DLG2: variants seen among roughly 807,000 people sequenced by gnomAD.
The protein encoded by DLG2 is discs large MAGUK scaffold protein 2.
In DLG2, 45 loss-of-function variants were observed where a neutral mutation model predicts 132.5. That is an observed-to-expected ratio of 0.34 (90% CI 0.27 to 0.44). The LOEUF is 0.44. Among genes scored for constraint, DLG2 ranks in the 20% least tolerant of loss-of-function variants. The pLI, the probability that DLG2 is intolerant of heterozygous loss-of-function variation, is 1.00. For missense variants in DLG2, 1,045 were observed against 1,196.9 expected (o/e 0.87, Z 1.87); for synonymous variants, 424 against 419.6 (o/e 1.01, Z -0.13).
At chr11:84,961,401 T>C (rs1214094193) in intron 6 of DLG2, among the ~76,000 whole-genome samples, 1 of 151,872 alleles carries the variant, frequency 6.6e-6, no homozygotes, top group East Asian at 1.9e-4. Context: ...AATGCCTGAG[T>C]CTCAGCATGC....
At chr11:84,348,529 C>G (rs1354684729) in intron 7 of DLG2, among the ~76,000 whole-genome samples, 1 of 152,120 alleles carries the variant, frequency 6.6e-6, no homozygotes, top group Non-Finnish European at 1.5e-5. Context: ...TTCTCAAACC[C>G]TTAATATGCT....
At chr11:84,220,743 TA>T (rs1279306267) in intron 8 of DLG2, among the ~76,000 whole-genome samples, 1 of 151,350 alleles carries the variant, frequency 6.6e-6, no homozygotes, top group Non-Finnish European at 1.5e-5. Context: ...TATAAGAGCT[TA>T]AAAAGTGTCA....
In DLG2 at chr11:84,498,209, G is replaced by T. The variant is rs1351410496; in HGVS notation, c.519+36361C>A. ...TGGCATGATAGTCAACATTTCCTAGGTTTGGGCTAAATTCTCAGAAATGCC... is the reference window on the plus strand; with the variant it reads ...TGGCATGATAGTCAACATTTCCTAGTTTTGGGCTAAATTCTCAGAAATGCC... On this transcript the variant is annotated intron_variant, in intron 7 of 27. Coordinates refer to ENST00000376104, the MANE Select transcript of DLG2 (RefSeq NM_001142699.3). 2.0e-5 allele frequency among the ~76,000 whole-genome samples: 3 copies of T among 152,134 alleles called. No individual in the cohort carries two copies. The East Asian group carries it at 5.8e-4, about 29-fold the overall frequency.
At chr11:85,204,442 C>A (rs1595362685) in intron 4 of DLG2, among the ~76,000 whole-genome samples, 1 of 151,854 alleles carries the variant, frequency 6.6e-6, no homozygotes. Flanking sequence ...CAATAGTTAC[C>A]AAATAATTAA....
At chr11:84,958,760 G>A (rs980141471) in intron 6 of DLG2, among the ~76,000 whole-genome samples, 4 of 152,144 alleles carry the variant, frequency 2.6e-5, no homozygotes, top group Admixed American at 1.3e-4. Context: ...CAGAATTTCA[G>A]TGGCCAATAT....
At chr11:85,414,487 A>G (rs1365331567) in intron 3 of DLG2, among the ~76,000 whole-genome samples, 1 of 151,710 alleles carries the variant, frequency 6.6e-6, no homozygotes, top group Non-Finnish European at 1.5e-5. Flanking sequence ...ATTTTCGTAA[A>G]TTTGTTGAGG....
chr11:84,968,911 C>T (rs766774627), intron 6 of DLG2, among the ~76,000 whole-genome samples: 1 of 152,028 alleles, frequency 6.6e-6, no homozygotes, highest in Non-Finnish European at 1.5e-5. Context: ...TTTAAAAACA[C>T]GTTTTACCCT....
rs60170305 is a variant in DLG2, at chr11:84,527,893, T to TTCTCTCTCTC, written c.519+6667_519+6676dup. Reference sequence around the variant, plus strand: ...GAGGACAGCAGTTAACTCCCTCCCTTTCTCTCTCTCTCTCTCTCTCTCTCT... The same window carrying TTCTCTCTCTC: ...GAGGACAGCAGTTAACTCCCTCCCTTTCTCTCTCTCTCTCTCTCTCTCTCTCTCTCTCTCT... On this transcript the variant is annotated intron_variant, in intron 7 of 27. Coordinates refer to ENST00000376104, the MANE Select transcript of DLG2 (RefSeq NM_001142699.3). Among the ~76,000 whole-genome samples, 325 of 125,660 alleles carry TTCTCTCTCTC rather than the reference T, an allele frequency of 2.6e-3. 16 individuals are homozygous for TTCTCTCTCTC. The highest frequency in any genetic ancestry group is 4.8e-3 in the South Asian group (17 of 3,550). The allele number at this position is 125,660 out of a possible 152,430, so 82.4% of individuals were successfully genotyped here. A position where few individuals can be genotyped will look rare whatever the true frequency, so the allele number is the denominator to read the frequency against.
intron 3 of DLG2, among the ~76,000 whole-genome samples, chr11:85,383,199 C>T (rs534762860): frequency 6.6e-6 from 1 of 152,168 alleles, no homozygotes; most frequent in South Asian, 2.1e-4. Context: ...ACCTTGAAAA[C>T]TTTAAGTGAG....
At chr11:83,931,810 A>G (rs2080290266) in intron 14 of DLG2, among the ~76,000 whole-genome samples, 1 of 152,172 alleles carries the variant, frequency 6.6e-6, no homozygotes, top group Non-Finnish European at 1.5e-5. Flanking sequence ...GGATTTTAGA[A>G]GAAGGCTCTT....
chr11:85,488,678 G>A (rs1055465082), intron 3 of DLG2, among the ~76,000 whole-genome samples: 1 of 152,066 alleles, frequency 6.6e-6, no homozygotes, highest in Non-Finnish European at 1.5e-5. Flanking sequence ...AAGCCTTATG[G>A]GCCAGAAGAG....
chr11:85,437,560 T>C (rs1226305107), intron 3 of DLG2, among the ~76,000 whole-genome samples: 2 of 152,098 alleles, frequency 1.3e-5, no homozygotes, highest in East Asian at 3.9e-4. Context: ...AGTGACCTAG[T>C]AGGGGACACA....
intron 7 of DLG2, among the ~76,000 whole-genome samples, chr11:84,472,498 C>T (rs1030725790): frequency 6.6e-6 from 1 of 151,908 alleles, no homozygotes; most frequent in Non-Finnish European, 1.5e-5. Context: ...ACTATAAACC[C>T]AGCCAAAACA....
chr11:84,728,907 G>C (rs1193011271), intron 6 of DLG2, among the ~76,000 whole-genome samples: 1 of 152,130 alleles, frequency 6.6e-6, no homozygotes, highest in Admixed American at 6.5e-5. Flanking sequence ...TCTGATGGTA[G>C]TTTGTATTTC....
intron 6 of DLG2, among the ~76,000 whole-genome samples, chr11:85,028,086 G>A (rs1053156711): frequency 1.3e-5 from 2 of 152,170 alleles, no homozygotes; most frequent in African/African-American, 4.8e-5. Flanking sequence ...CCTTTCTGCA[G>A]GCAGGTTGTC....
intron 17 of DLG2, among the ~76,000 whole-genome samples, chr11:83,803,230 G>C (rs1484370572): frequency 2.6e-5 from 4 of 152,060 alleles, no homozygotes; most frequent in African/African-American, 9.7e-5. Flanking sequence ...GGTGAAGAAA[G>C]CAATGGTTCA....
chr11:85,466,183 T>C (rs2092782865), intron 3 of DLG2, among the ~76,000 whole-genome samples: 1 of 152,216 alleles, frequency 6.6e-6, no homozygotes, highest in African/African-American at 2.4e-5. Flanking sequence ...TTTGTTGGAG[T>C]TCACTGTATG....
intron 3 of DLG2, among the ~76,000 whole-genome samples, chr11:85,467,446 T>G (rs905468332): frequency 6.6e-6 from 1 of 152,172 alleles, no homozygotes; most frequent in Non-Finnish European, 1.5e-5. Context: ...GGCTGTGGGT[T>G]TGTCATAGAT....
chr11:85,105,407 A>G lies in DLG2; in HGVS notation c.357+6254T>C, dbSNP rs377425489. ...GCCAGAGCTTAGGGAAAAGAGCAAC[A>G]TATCTATTCTATCAATCTCATCTTC... On this transcript the variant is annotated intron_variant, in intron 6 of 27. Coordinates refer to ENST00000376104, the MANE Select transcript of DLG2 (RefSeq NM_001142699.3). Among the ~76,000 whole-genome samples the G allele has an allele frequency of 1.3e-4, 20 of 152,100 alleles. No individual in the cohort carries two copies. In the South Asian group the frequency reaches 3.7e-3, roughly 28 times the overall value.
Sources: gnomAD v4.1 joint callset for allele counts (sites outside exome capture counted in the v4.1 genomes callset) on GRCh38, gnomAD v4.1.1 for gene constraint, MANE v1.5 for transcripts, NCBI Gene and HGNC (gene_info 2026-07-23, HGNC 2026-07-21) for gene names.